NRG3: variants seen among roughly 807,000 people sequenced by gnomAD.
NRG3 encodes neuregulin 3.
Under a neutral mutation model 66.9 loss-of-function variants are expected in NRG3, and 31 were observed. The ratio of observed to expected loss-of-function variants is 0.46; its 90% CI spans 0.35 to 0.63. The LOEUF (loss-of-function observed/expected upper bound fraction) is 0.63, where lower values mean the gene tolerates loss of function less well. Ranked by LOEUF, NRG3 falls within the 20% of genes least tolerant of loss-of-function variation. NRG3 has a pLI of 0.00. For missense variants in NRG3, 910 were observed against 878.9 expected (o/e 1.04, Z -0.45); for synonymous variants, 393 against 359.4 (o/e 1.09, Z -1.06).
chr10:82,885,359 G>A (rs1456424395), intron 4 of NRG3, among the ~76,000 whole-genome samples: 1 of 152,194 alleles, frequency 6.6e-6, no homozygotes, highest in East Asian at 1.9e-4. Flanking sequence ...CTGGGTCACA[G>A]TGATTCCATG....
intron 1 of NRG3, among the ~76,000 whole-genome samples, chr10:82,233,710 T>C (rs2076615490): frequency 6.6e-6 from 1 of 152,100 alleles, no homozygotes; most frequent in Admixed American, 6.5e-5. Flanking sequence ...CAGTCTTCCC[T>C]TTCAAGATAA....
chr10:82,385,206 C>T lies in NRG3; in HGVS notation c.953+26338C>T, dbSNP rs541755107. ...TGTTAAGTTTTTTATAGATATTGTA[C>T]GTTAGATCTTTGTCACATGCATACT... is the stretch of plus-strand genomic sequence containing the variant. On this transcript the variant is annotated intron_variant, in intron 2 of 8. Transcript: ENST00000372141. 9.9e-5 allele frequency among the ~76,000 whole-genome samples: 15 copies of T among 152,056 alleles called. No homozygotes were observed. In the East Asian group the frequency reaches 1.5e-3, roughly 16 times the overall value.
At chr10:81,973,599 A>G (rs2060009578) in intron 1 of NRG3, among the ~76,000 whole-genome samples, 1 of 152,160 alleles carries the variant, frequency 6.6e-6, no homozygotes, top group South Asian at 2.1e-4. Context: ...AGTAATAACC[A>G]TTCTGACTGG....
At chr10:82,899,832 A>G (rs941521247) in intron 4 of NRG3, among the ~76,000 whole-genome samples, 1 of 152,216 alleles carries the variant, frequency 6.6e-6, no homozygotes, top group Non-Finnish European at 1.5e-5. Context: ...TGCTCTAAGA[A>G]TAGTAGAAGG....
chr10:81,884,807 T>C (rs2132506104), intron 1 of NRG3, among the ~76,000 whole-genome samples: 1 of 152,302 alleles, frequency 6.6e-6, no homozygotes, highest in South Asian at 2.1e-4. Context: ...ACATATTTAA[T>C]GTGTACATAT....
At chr10:81,964,697 A>T (rs2059664020) in intron 1 of NRG3, among the ~76,000 whole-genome samples, 2 of 152,212 alleles carry the variant, frequency 1.3e-5, no homozygotes, top group Non-Finnish European at 2.9e-5. Flanking sequence ...CAGGAAGGCC[A>T]TTCCACAGAG....
At chr10:82,533,964 C>T (rs1262604184) in intron 2 of NRG3, among the ~76,000 whole-genome samples, 1 of 151,990 alleles carries the variant, frequency 6.6e-6, no homozygotes, top group Non-Finnish European at 1.5e-5. Context: ...TATAGACTAA[C>T]AACAAACTAT....
At chr10:82,865,028 T>C (rs75429397) in intron 3 of NRG3, among the ~76,000 whole-genome samples, 6 of 152,210 alleles carry the variant, frequency 3.9e-5, no homozygotes, top group African/African-American at 1.4e-4. Context: ...AATAAATTCA[T>C]GTTGAACAAA....
At chr10:82,825,790 T>C (rs2062176086) in intron 3 of NRG3, among the ~76,000 whole-genome samples, 1 of 152,206 alleles carries the variant, frequency 6.6e-6, no homozygotes. Flanking sequence ...TAACATACGA[T>C]TAAATATTAT....
intron 3 of NRG3, among the ~76,000 whole-genome samples, chr10:82,748,867 C>A (rs1011751778): frequency 1.3e-5 from 2 of 151,852 alleles, no homozygotes; most frequent in African/African-American, 4.8e-5. Flanking sequence ...AATGGAAGCA[C>A]TGAAATTTTA....
intron 2 of NRG3, among the ~76,000 whole-genome samples, chr10:82,712,780 G>A (rs1284665854): frequency 6.6e-6 from 1 of 152,148 alleles, no homozygotes; most frequent in Non-Finnish European, 1.5e-5. Flanking sequence ...CGTGGAACAT[G>A]AGAATATTAC....
intron 1 of NRG3, among the ~76,000 whole-genome samples, chr10:82,235,115 G>A (rs993610864): frequency 1.3e-5 from 2 of 152,230 alleles, no homozygotes; most frequent in East Asian, 1.9e-4. Flanking sequence ...TGAGACTAGG[G>A]CAGGGGTTGG....
intron 1 of NRG3, among the ~76,000 whole-genome samples, chr10:82,009,605 G>T (rs2061500517): frequency 6.6e-6 from 1 of 152,184 alleles, no homozygotes. Context: ...AGGAAGTCCA[G>T]TGAAGGTTGC....
At chr10:82,700,808 G>A (rs2055812064) in intron 2 of NRG3, among the ~76,000 whole-genome samples, 1 of 152,024 alleles carries the variant, frequency 6.6e-6, no homozygotes, top group African/African-American at 2.4e-5. Flanking sequence ...GAGTCCAGCA[G>A]AAGAAATAAA....
chr10:81,888,660 A>T (rs576098959), intron 1 of NRG3, among the ~76,000 whole-genome samples: 1 of 152,178 alleles, frequency 6.6e-6, no homozygotes, highest in East Asian at 1.9e-4. Flanking sequence ...GTTTGCATGT[A>T]CCCACCTATA....
chr10:82,900,593 A>T (rs935118351), intron 4 of NRG3, among the ~76,000 whole-genome samples: 1 of 152,222 alleles, frequency 6.6e-6, no homozygotes, highest in Non-Finnish European at 1.5e-5. Flanking sequence ...TAAAATAAAC[A>T]GTACTTATAT....
intron 2 of NRG3, among the ~76,000 whole-genome samples, chr10:82,651,053 T>C (rs2051373328): frequency 6.6e-6 from 1 of 152,190 alleles, no homozygotes; most frequent in African/African-American, 2.4e-5. Context: ...GGCTGCTGGT[T>C]GAGAAAGGCA....
At chr10:82,250,146 G>A (rs2077417091) in intron 1 of NRG3, among the ~76,000 whole-genome samples, 1 of 151,964 alleles carries the variant, frequency 6.6e-6, no homozygotes, top group South Asian at 2.1e-4. Flanking sequence ...AGATAACCCA[G>A]GAAATAAAAT....
chr10:82,659,634 C>T (rs890993509), intron 2 of NRG3, among the ~76,000 whole-genome samples: 1 of 151,552 alleles, frequency 6.6e-6, no homozygotes, highest in Non-Finnish European at 1.5e-5. Flanking sequence ...ACAGAGCGAG[C>T]GAGCGAGACT....
Sources: gnomAD v4.1 joint callset for allele counts (sites outside exome capture counted in the v4.1 genomes callset) on GRCh38, gnomAD v4.1.1 for gene constraint, MANE v1.5 for transcripts, NCBI Gene and HGNC (gene_info 2026-07-23, HGNC 2026-07-21) for gene names.